The following RIMS2 variants were observed in gnomAD, a reference collection of about 807,000 sequenced individuals.
The protein encoded by RIMS2 is regulating synaptic membrane exocytosis protein 2.
RIMS2 carries 59 observed loss-of-function variants against 174.4 expected under a neutral mutation model. The observed-to-expected ratio is 0.34, with a 90% confidence interval of 0.27 to 0.42. The LOEUF (loss-of-function observed/expected upper bound fraction) is 0.42. Among genes scored for constraint, RIMS2 ranks in the 10% least tolerant of loss-of-function variants. The probability of loss-of-function intolerance (pLI) is 1.00; values close to 1 mark genes in which losing one functional copy is unlikely to be tolerated. For synonymous variants in RIMS2, 606 were observed against 572.5 expected (o/e 1.06, Z -0.84); for missense variants, 1,620 against 1,666.3 (o/e 0.97, Z 0.48).
chr8:103,867,649 C>T (rs2099090199), intron 3 of RIMS2, among the ~76,000 whole-genome samples: 1 of 151,856 alleles, frequency 6.6e-6, no homozygotes, highest in South Asian at 2.1e-4. Flanking sequence ...ACTTATGCTT[C>T]TGTGCTGTGA....
chr8:103,607,658 C>T (rs565844393), intron 1 of RIMS2, among the ~76,000 whole-genome samples: 1 of 140,472 alleles, frequency 7.1e-6, no homozygotes, highest in Admixed American at 6.9e-5. Flanking sequence ...TAGATTTGGT[C>T]TTTTCACATA....
intron 9 of RIMS2, among the ~76,000 whole-genome samples, chr8:103,921,333 C>A (rs1285221192): frequency 6.6e-6 from 1 of 151,984 alleles, no homozygotes; most frequent in Admixed American, 6.6e-5. Flanking sequence ...TTTGATTACT[C>A]CTTGTTTCTA....
intron 19 of RIMS2, among the ~76,000 whole-genome samples, chr8:104,138,191 C>T (rs10094163): frequency 0.22 from 33,248 of 152,118 alleles, 3,850 homozygotes; most frequent in South Asian, 0.34. Context: ...ATCCATTCAT[C>T]TGTTGATGAA....
intron 19 of RIMS2, among the ~76,000 whole-genome samples, chr8:104,154,488 T>C (rs2098709424): frequency 6.6e-6 from 1 of 152,268 alleles, no homozygotes; most frequent in Non-Finnish European, 1.5e-5. Context: ...AATAGGCACA[T>C]GCGACTAGTG....
rs142096575 is a variant in RIMS2, at chr8:103,649,487, G to C, written c.177-47599G>C. ...ATTTCCTGGATTTGAATGTTGGCCT[G>C]TCTTTCTCTGTTGGGGAAGTTCTCC... On this transcript the variant is annotated intron_variant, in intron 1 of 23. Transcript: ENST00000504942. 7.9e-5 allele frequency among the ~76,000 whole-genome samples: 12 copies of C among 152,180 alleles called. No homozygotes were observed. In the South Asian group the frequency reaches 1.7e-3, roughly 21 times the overall value.
At chr8:104,111,493 TG>T (rs2098182584) in intron 19 of RIMS2, among the ~76,000 whole-genome samples, 2 of 152,166 alleles carry the variant, frequency 1.3e-5, no homozygotes, top group Admixed American at 6.6e-5. Flanking sequence ...CTGCAACCTC[TG>T]CCTCACAGGT....
chr8:103,998,691 G>T lies in RIMS2; in HGVS notation c.3044+9270G>T, dbSNP rs73295544. The stretch of plus-strand genomic sequence containing the variant: ...GTCCTTGAAGTGCTTAGGTTGAACT[G>T]ATTTGTTTGTGGTTGCCTTGTCAGA... On this transcript the variant is annotated intron_variant, in intron 17 of 23. Coordinates refer to ENST00000504942, the Ensembl canonical transcript of RIMS2. Among the ~76,000 whole-genome samples, 138 of 151,782 alleles carry T rather than the reference G, an allele frequency of 9.1e-4. 1 individual carries two copies. Among genetic ancestry groups the T allele is most frequent in the African/African-American group, 3.0e-3 (125 of 41,518 alleles).
chr8:103,995,302 T>G (rs1488523161), intron 17 of RIMS2, among the ~76,000 whole-genome samples: 1 of 152,090 alleles, frequency 6.6e-6, no homozygotes, highest in African/African-American at 2.4e-5. Context: ...CCAGACAAAT[T>G]ATCCTATATC....
At chr8:103,850,965 A>G (rs1339413872) in intron 3 of RIMS2, among the ~76,000 whole-genome samples, 2 of 152,156 alleles carry the variant, frequency 1.3e-5, no homozygotes, top group East Asian at 1.9e-4. Context: ...TATAACTTTT[A>G]GATAAATGCT....
rs367812365 is a variant in RIMS2 at position 104,030,714 on chromosome 8, A to G, written c.3334+16099A>G. ...AAATAACCATATGGCTAACTCCCTT[A>G]CTATCTTAAGTTCTGTACTCAAAAG... is the stretch of plus-strand genomic sequence containing the variant. On this transcript the variant is annotated intron_variant, in intron 19 of 23. Transcript: ENST00000504942. Among the ~76,000 whole-genome samples the G allele has an allele frequency of 6.6e-5, 10 of 152,094 alleles. 1 individual carries two copies. The highest frequency in any genetic ancestry group is 5.8e-4 in the East Asian group (3 of 5,198).
intron 1 of RIMS2, among the ~76,000 whole-genome samples, chr8:103,656,640 T>G (rs1329588780): frequency 1.3e-5 from 2 of 152,160 alleles, no homozygotes; most frequent in African/African-American, 4.8e-5. Flanking sequence ...GCTATTCTCA[T>G]AACAAGAAAA....
chr8:104,115,392 G>A (rs2098263539), intron 19 of RIMS2, among the ~76,000 whole-genome samples: 1 of 151,524 alleles, frequency 6.6e-6, no homozygotes, highest in South Asian at 2.1e-4. Flanking sequence ...CAGTGAGGAG[G>A]GAAGGATTTT....
chr8:103,834,694 T>C (rs1367397775), intron 3 of RIMS2, among the ~76,000 whole-genome samples: 1 of 79,084 alleles, frequency 1.3e-5, no homozygotes, highest in Non-Finnish European at 2.4e-5. Flanking sequence ...CTTTCTTTCT[T>C]TCTTTCTTTC....
chr8:104,231,268 C>T (rs144042540), intron 19 of RIMS2, among the ~76,000 whole-genome samples: 1 of 152,276 alleles, frequency 6.6e-6, no homozygotes, highest in African/African-American at 2.4e-5. Context: ...TAACACTACC[C>T]TTCCTTCAAA....
intron 3 of RIMS2, among the ~76,000 whole-genome samples, chr8:103,813,107 G>A (rs758635670): frequency 6.6e-6 from 1 of 152,022 alleles, no homozygotes; most frequent in Non-Finnish European, 1.5e-5. Flanking sequence ...CATTAGCTTT[G>A]TTTAGTTATA....
At chr8:103,889,089 G>A (rs2099225826) in intron 4 of RIMS2, among the ~76,000 whole-genome samples, 1 of 151,600 alleles carries the variant, frequency 6.6e-6, no homozygotes, top group South Asian at 2.1e-4. Context: ...CATTATAGTA[G>A]CATTTTTTTA....
At chr8:103,913,220 C>T (rs539540369) in intron 6 of RIMS2, among the ~76,000 whole-genome samples, 14 of 151,544 alleles carry the variant, frequency 9.2e-5, no homozygotes, top group African/African-American at 2.9e-4. Flanking sequence ...CCTTGTGATC[C>T]GCCCACCATG....
chr8:103,751,471 A>T, intron 2 of RIMS2, among the ~76,000 whole-genome samples: 1 of 151,730 alleles, frequency 6.6e-6, no homozygotes. Context: ...CAGTAATGGG[A>T]TGTCTGGGTC....
At chr8:103,971,925 T>C (rs777047976) in intron 15 of RIMS2, among the ~76,000 whole-genome samples, 11 of 152,190 alleles carry the variant, frequency 7.2e-5, no homozygotes, top group Non-Finnish European at 5.9e-5. Flanking sequence ...GGTGCATTAA[T>C]TTTTGCTCTT....
Sources: allele counts gnomAD v4.1 joint callset (sites outside exome capture counted in the v4.1 genomes callset), GRCh38; gene constraint gnomAD v4.1.1; transcripts MANE v1.5; gene names NCBI Gene and HGNC (gene_info 2026-07-23, HGNC 2026-07-21).